Variants in ZMYND11 observed in about 807,000 individuals in gnomAD.
ZMYND11 encodes zinc finger MYND domain-containing protein 11.
Under a neutral mutation model 84.9 loss-of-function variants are expected in ZMYND11, and 9 were observed. That is an observed-to-expected ratio of 0.11 (90% CI 0.06 to 0.18). The LOEUF is 0.18. Among genes scored for constraint, ZMYND11 ranks in the 10% least tolerant of loss-of-function variants. ZMYND11 has a pLI of 1.00. For missense variants in ZMYND11, 409 were observed against 761.0 expected (o/e 0.54, Z 5.44); for synonymous variants, 250 against 244.1 (o/e 1.02, Z -0.23).
chr10:231,693 G>A (rs1157139602), intron 4 of ZMYND11, among the ~76,000 whole-genome samples: 1 of 152,168 alleles, frequency 6.6e-6, no homozygotes, highest in Admixed American at 6.5e-5. Context: ...TTTCTACCTA[G>A]AGTCATCCGA....
At chr10:168,213 T>G (rs1450671923) in intron 1 of ZMYND11, among the ~76,000 whole-genome samples, 1 of 152,172 alleles carries the variant, frequency 6.6e-6, no homozygotes, top group East Asian at 1.9e-4. Flanking sequence ...TTATTATAAT[T>G]ATACCTTGTA....
At chr10:225,251 C>G (rs1947901616) in intron 4 of ZMYND11, among the ~76,000 whole-genome samples, 1 of 152,188 alleles carries the variant, frequency 6.6e-6, no homozygotes, top group South Asian at 2.1e-4. Flanking sequence ...ACTTGTTCTT[C>G]AGAGTATTAT....
At chr10:235,535 T>C (rs1949802291) in intron 4 of ZMYND11, among the ~76,000 whole-genome samples, 1 of 151,802 alleles carries the variant, frequency 6.6e-6, no homozygotes, top group Non-Finnish European at 1.5e-5. Context: ...AATAAACAAA[T>C]GAACAAGCAA....
chr10:236,321 A>C (rs1346088408), intron 4 of ZMYND11, among the ~76,000 whole-genome samples: 1 of 152,230 alleles, frequency 6.6e-6, no homozygotes, highest in Non-Finnish European at 1.5e-5. Flanking sequence ...CTAGACTAAG[A>C]GTTGGAGTTA....
chr10:229,684 G>A (rs1948679750), intron 4 of ZMYND11, among the ~76,000 whole-genome samples: 1 of 152,184 alleles, frequency 6.6e-6, no homozygotes, highest in Non-Finnish European at 1.5e-5. Flanking sequence ...GAACAGGAGT[G>A]TATTTTTAGA....
intron 2 of ZMYND11, among the ~76,000 whole-genome samples, chr10:196,919 C>A (rs533159684): frequency 6.6e-6 from 1 of 152,064 alleles, no homozygotes; most frequent in Non-Finnish European, 1.5e-5. Flanking sequence ...GTCCCCCTTT[C>A]ATCATGAAGA....
chr10:176,588 G>A (rs551211743), intron 1 of ZMYND11, among the ~76,000 whole-genome samples: 19 of 152,060 alleles, frequency 1.2e-4, no homozygotes, highest in Admixed American at 2.0e-4. Context: ...TGAATAAGAC[G>A]TATCTTAGTT....
chr10:144,221 T>C (rs1001742467), intron 1 of ZMYND11, among the ~76,000 whole-genome samples: 5 of 152,160 alleles, frequency 3.3e-5, no homozygotes, highest in Non-Finnish European at 7.3e-5. Context: ...TTTATTTATT[T>C]TAATTTTTGT....
intron 1 of ZMYND11, among the ~76,000 whole-genome samples, chr10:154,093 CAA>C (rs1237948416): frequency 6.6e-6 from 1 of 152,204 alleles, no homozygotes; most frequent in Non-Finnish European, 1.5e-5. Context: ...CATGAATCCA[CAA>C]AGTTAGCCAC....
intron 2 of ZMYND11, among the ~76,000 whole-genome samples, chr10:203,587 A>G (rs1340375284): frequency 6.6e-6 from 1 of 152,234 alleles, no homozygotes; most frequent in Non-Finnish European, 1.5e-5. Flanking sequence ...AAGAAGAGCC[A>G]CAATGAGTCT....
intron 1 of ZMYND11, among the ~76,000 whole-genome samples, chr10:175,982 A>G (rs563027069): frequency 3.3e-4 from 51 of 152,260 alleles, no homozygotes; most frequent in African/African-American, 1.1e-3. Flanking sequence ...TGCACCCTCA[A>G]CTGTTCTTGT....
intron 1 of ZMYND11, among the ~76,000 whole-genome samples, chr10:168,176 G>T (rs548631162): frequency 4.3e-4 from 65 of 152,010 alleles, no homozygotes; most frequent in Non-Finnish European, 4.1e-4. Flanking sequence ...TGCAATAATT[G>T]TATAGGAATC....
intron 13 of ZMYND11, 143 bp from the exon 14 acceptor site, chr10:248,760 T>A: frequency 1.4e-6 from 2 of 1,390,724 alleles, no homozygotes; most frequent in South Asian, 3.0e-5. Context: ...GTAATAATGA[T>A]ACTTTCCTCA....
chr10:190,263 G>A (rs905369903), intron 2 of ZMYND11, among the ~76,000 whole-genome samples: 3 of 151,968 alleles, frequency 2.0e-5, no homozygotes, highest in South Asian at 2.1e-4. Flanking sequence ...TCCCATCGTT[G>A]GTGTTAGAGA....
intron 10 of ZMYND11, among the ~76,000 whole-genome samples, chr10:243,976 G>A (rs902368783): frequency 1.3e-5 from 2 of 152,142 alleles, no homozygotes; most frequent in African/African-American, 2.4e-5. Context: ...TTTTTTTTCC[G>A]TCAAGCTTCT....
At chr10:158,423 T>TA (rs1312703643) in intron 1 of ZMYND11, among the ~76,000 whole-genome samples, 23 of 147,746 alleles carry the variant, frequency 1.6e-4, no homozygotes, top group African/African-American at 3.2e-4. Context: ...TTTTTTTTTT[T>TA]TTTTTTTTAT....
At chr10:227,745 A>G (rs181271004) in intron 4 of ZMYND11, among the ~76,000 whole-genome samples, 2 of 152,346 alleles carry the variant, frequency 1.3e-5, no homozygotes, top group African/African-American at 2.4e-5. Context: ...TTCCTTATGT[A>G]TCTATGAAGC....
At chr10:148,913 AT>A (rs1554756210) in intron 1 of ZMYND11, among the ~76,000 whole-genome samples, 1 of 152,244 alleles carries the variant, frequency 6.6e-6, no homozygotes, top group East Asian at 1.9e-4. Context: ...ATTTTCTTAA[AT>A]ATACATAATT....
chr10:210,296 C>T (rs748054666), intron 3 of ZMYND11, among the ~76,000 whole-genome samples: 1 of 152,202 alleles, frequency 6.6e-6, no homozygotes, highest in Non-Finnish European at 1.5e-5. Flanking sequence ...CAAACCAAAG[C>T]TCTTTTGATG....
Sources: allele counts gnomAD v4.1 joint callset (sites outside exome capture counted in the v4.1 genomes callset), GRCh38; gene constraint gnomAD v4.1.1; transcripts MANE v1.5; gene names NCBI Gene and HGNC (gene_info 2026-07-23, HGNC 2026-07-21).